Variants in PTPRQ observed in about 807,000 individuals in gnomAD.
PTPRQ encodes the protein protein tyrosine phosphatase receptor type Q.
In PTPRQ, 199 loss-of-function variants were observed where a neutral mutation model predicts 246.0. That is an observed-to-expected ratio of 0.81 (90% confidence interval 0.72 to 0.91). The LOEUF (loss-of-function observed/expected upper bound fraction) is 0.91. PTPRQ is among the 40% of genes least tolerant of loss of function. The probability of loss-of-function intolerance (pLI) is 0.00; values close to 1 mark genes in which losing one functional copy is unlikely to be tolerated. For synonymous variants in PTPRQ, 869 were observed against 853.2 expected, an observed-to-expected ratio of 1.02 and a Z score of -0.32; for missense variants, 2,624 against 2,528.4, an observed-to-expected ratio of 1.04 and a Z score of -0.81.
intron 25 of PTPRQ, among the ~76,000 whole-genome samples, chr12:80,570,188 C>A (rs546336394): frequency 2.0e-5 from 3 of 152,204 alleles, no homozygotes; most frequent in Non-Finnish European, 4.4e-5. Flanking sequence ...AACTAATTTA[C>A]ACTCCTACGA....
intron 37 of PTPRQ, among the ~76,000 whole-genome samples, chr12:80,652,120 T>A (rs193249235): frequency 6.6e-6 from 1 of 152,256 alleles, no homozygotes; most frequent in Admixed American, 6.5e-5. Flanking sequence ...TATGCCAGAC[T>A]TTTTAATGAT....
chr12:80,617,138 G>A (rs1489571219), intron 30 of PTPRQ, among the ~76,000 whole-genome samples: 1 of 151,138 alleles, frequency 6.6e-6, no homozygotes, highest in Admixed American at 6.6e-5. Context: ...TTGAATCATG[G>A]ATTAGCCACT....
At chr12:80,493,948 T>TA (rs1251206542) in intron 10 of PTPRQ, among the ~76,000 whole-genome samples, 5 of 152,030 alleles carry the variant, frequency 3.3e-5, no homozygotes, top group African/African-American at 7.2e-5. Context: ...CAGTGGCTCT[T>TA]ACAGTTTCTA....
chr12:80,445,773 T>A (rs1190333843), intron 3 of PTPRQ, 56 bp downstream of exon 3: 2 of 1,255,270 alleles, frequency 1.6e-6, no homozygotes, highest in Admixed American at 4.0e-5. Flanking sequence ...ATTTTAAAAG[T>A]GTGGGAGGTT....
intron 3 of PTPRQ, among the ~76,000 whole-genome samples, chr12:80,450,558 A>T (rs892421804): frequency 4.0e-5 from 6 of 151,878 alleles, no homozygotes; most frequent in South Asian, 2.1e-4. Context: ...TCCCATCAAT[A>T]CCTAATTTAT....
chr12:80,625,473 A>G (rs1312522014), intron 33 of PTPRQ, among the ~76,000 whole-genome samples: 1 of 152,136 alleles, frequency 6.6e-6, no homozygotes, highest in East Asian at 1.9e-4. Flanking sequence ...GGGATTTAAG[A>G]GCTTTTGCAC....
chr12:80,543,380 C>A (rs1242386695), intron 23 of PTPRQ, among the ~76,000 whole-genome samples: 2 of 151,750 alleles, frequency 1.3e-5, no homozygotes, highest in Non-Finnish European at 2.9e-5. Flanking sequence ...CAACACTAAC[C>A]ACATTTTCCC....
Position 80,506,117 on chromosome 12 carries a change from T to A in PTPRQ, c.2366T>A (p.Ile789Asn). Residue 789 changes from isoleucine to asparagine, a missense_variant, in exon 15 of 45, where the codon ATC becomes AAC. Ile to Asn is a moderately radical substitution (Grantham distance 149). Coordinates refer to ENST00000644991, the MANE Select transcript of PTPRQ (RefSeq NM_001145026.2). ...CTTCCCCCAAGTAGTCCCAATGGAA[T>A]CATACAAAAATATACAATTTATCTC... ...SFLPPSSPNG[I>N]IQKYTIYLKR... The A allele has an allele frequency of 3.2e-6, 5 of 1,541,526 alleles. No homozygotes were observed. The highest frequency in any genetic ancestry group is 3.5e-6 in the Non-Finnish European group (4 of 1,143,330).
chr12:80,643,995 C>G lies in PTPRQ; in HGVS notation c.5916-4902C>G, dbSNP rs1381983365. ...TAGAAGAAAAGTTTCTCAGTTTGTCCCATACCACTGGTAATGCTGGTTGAA... is the reference window on the plus strand; with the variant it reads ...TAGAAGAAAAGTTTCTCAGTTTGTCGCATACCACTGGTAATGCTGGTTGAA... On this transcript the variant is annotated intron_variant, in intron 35 of 44. Transcript: ENST00000644991. 1.3e-5 allele frequency among the ~76,000 whole-genome samples: 2 copies of G among 152,060 alleles called. 1 individual carries two copies. Among genetic ancestry groups the G allele is most frequent in the South Asian group, 4.1e-4 (2 of 4,824 alleles).
At chr12:80,558,146 T>TTCTTG (rs1896710489) in intron 25 of PTPRQ, among the ~76,000 whole-genome samples, 1 of 131,340 alleles carries the variant, frequency 7.6e-6, no homozygotes, top group Admixed American at 7.4e-5. Context: ...TTCTTTTCTT[T>TTCTTG]TCTTTTCTTT....
chr12:80,639,813 T>C (rs1387748932), intron 35 of PTPRQ, among the ~76,000 whole-genome samples: 2 of 152,210 alleles, frequency 1.3e-5, no homozygotes, highest in East Asian at 3.9e-4. Context: ...AAATAATAGC[T>C]ACTGTTTATG....
At chr12:80,628,780 T>C (rs1899303222) in intron 33 of PTPRQ, among the ~76,000 whole-genome samples, 1 of 152,134 alleles carries the variant, frequency 6.6e-6, no homozygotes, top group Non-Finnish European at 1.5e-5. Context: ...ATAAGTGATT[T>C]ATATGTTAAA....
chr12:80,616,401 T>TAACTAA (rs779584750), intron 30 of PTPRQ, 135 bp downstream of exon 30: 4 of 723,534 alleles, frequency 5.5e-6, no homozygotes, highest in Non-Finnish European at 3.8e-6. Flanking sequence ...TAAGTAAAAA[T>TAACTAA]GTGTGGTTAT....
intron 43 of PTPRQ, among the ~76,000 whole-genome samples, chr12:80,678,167 A>T (rs1035318691): frequency 2.0e-5 from 3 of 150,158 alleles, no homozygotes; most frequent in African/African-American, 7.5e-5. Context: ...CATATTTTAA[A>T]TGCGCTGATG....
intron 25 of PTPRQ, among the ~76,000 whole-genome samples, chr12:80,562,698 T>C (rs1565788072): frequency 6.6e-6 from 1 of 151,980 alleles, no homozygotes; most frequent in East Asian, 1.9e-4. Context: ...ATAATCTAAA[T>C]TCCCTCCACA....
At chr12:80,619,295 T>C in intron 30 of PTPRQ, 89 bp from the exon 31 acceptor site, 1 of 1,413,626 alleles carries the variant, frequency 7.1e-7, no homozygotes, top group Non-Finnish European at 9.5e-7. Context: ...ACTTTATCTG[T>C]AAATTAACTG....
At chr12:80,466,433 A>C (rs1023837465) in intron 6 of PTPRQ, among the ~76,000 whole-genome samples, 13 of 152,230 alleles carry the variant, frequency 8.5e-5, no homozygotes, top group Non-Finnish European at 1.9e-4. Flanking sequence ...CACACTGCCC[A>C]AGGTAATTTA....
rs777288134 is a variant in PTPRQ at position 80,670,418 on chromosome 12, C to A, written c.6528C>A (p.Ala2176=). ...WPEHGVPENS[A]PLIHFVKLVR... is the part of the protein sequence containing the mutation. ...AGCATGGGGTTCCTGAGAACAGCGC[C>A]CCTCTAATTCACTTTGTGAAGTTGG... The change falls in exon 42 of 45, where the codon GCC becomes GCA. Residue 2176 remains alanine (A), a synonymous_variant. Transcript: ENST00000644991. 7.1e-5 allele frequency: 110 copies of A among 1,550,994 alleles called. No individual in the cohort carries two copies. The highest frequency in any genetic ancestry group is 9.3e-5 in the Non-Finnish European group (107 of 1,146,596).
intron 33 of PTPRQ, among the ~76,000 whole-genome samples, chr12:80,623,944 G>T (rs76975753): frequency 0.013 from 1,911 of 152,224 alleles, 89 homozygotes; most frequent in Admixed American, 0.088. Flanking sequence ...GCCTCATCCA[G>T]CACTATAAGT....
Sources: allele counts gnomAD v4.1 joint callset (sites outside exome capture counted in the v4.1 genomes callset), GRCh38; gene constraint gnomAD v4.1.1; transcripts MANE v1.5; gene names NCBI Gene and HGNC (gene_info 2026-07-23, HGNC 2026-07-21).